SLC24A2: variants seen among roughly 807,000 people sequenced by gnomAD.
The protein encoded by SLC24A2 is sodium/potassium/calcium exchanger 2.
In SLC24A2, 36 loss-of-function variants were observed where a neutral mutation model predicts 62.0. The observed-to-expected ratio is 0.58, with a 90% confidence interval of 0.44 to 0.77. The LOEUF (loss-of-function observed/expected upper bound fraction) is 0.77, where lower values mean the gene tolerates loss of function less well. SLC24A2 is among the 30% of genes least tolerant of loss of function. SLC24A2 has a pLI of 0.00. For missense variants in SLC24A2, 846 were observed against 817.9 expected (o/e 1.03, Z -0.42); for synonymous variants, 358 against 294.0 (o/e 1.22, Z -2.23).
the SLC24A2 span, among the ~76,000 whole-genome samples, chr9:20,100,828 G>GT: frequency 1.3e-5 from 2 of 151,836 alleles, no homozygotes; most frequent in Non-Finnish European, 2.9e-5. Context: ...TTTTTGTTTT[G>GT]TTTTTTCCAT....
the SLC24A2 span, among the ~76,000 whole-genome samples, chr9:20,093,196 C>G: frequency 6.6e-6 from 1 of 151,830 alleles, no homozygotes; most frequent in African/African-American, 2.4e-5. Flanking sequence ...CTCAGCCTTC[C>G]TGAGTAGCTG....
At position 19,775,801 on chromosome 9, in the gene SLC24A2, T is replaced by C. The variant is rs1408492931; in HGVS notation, c.930+10136A>G. Among the ~76,000 whole-genome samples the C allele has an allele frequency of 3.3e-5, 5 of 152,054 alleles. No homozygotes were observed. In the East Asian group the frequency reaches 9.7e-4, roughly 29 times the overall value. On this transcript the variant is annotated intron_variant, in intron 2 of 10. Transcript: ENST00000341998. ...AGTGCATTCCGCTCATTCAGTAGAGTGATGTCTAGCTTCCTTCTCCTATTC... is the reference window on the plus strand; with the variant it reads ...AGTGCATTCCGCTCATTCAGTAGAGCGATGTCTAGCTTCCTTCTCCTATTC...
chr9:20,003,659 C>A, the SLC24A2 span, among the ~76,000 whole-genome samples: 1 of 152,136 alleles, frequency 6.6e-6, no homozygotes. Context: ...GCAGTAAATA[C>A]TTTATGCTTG....
chr9:19,919,208 C>T, the SLC24A2 span, among the ~76,000 whole-genome samples: 2 of 152,158 alleles, frequency 1.3e-5, no homozygotes, highest in African/African-American at 2.4e-5. Context: ...CTGTGGCTTG[C>T]TCCCGGGGGG....
chr9:19,516,550 T>G (rs928939429), intron 10 of SLC24A2, 148 bp from the exon 11 acceptor site: 1 of 1,001,076 alleles, frequency 1.0e-6, no homozygotes, highest in African/African-American at 1.6e-5. Context: ...GACTCGGGCA[T>G]GGTTGGCCCA....
the SLC24A2 span, among the ~76,000 whole-genome samples, chr9:20,196,583 T>G: frequency 6.6e-6 from 1 of 152,196 alleles, no homozygotes. Flanking sequence ...AACAATCAGC[T>G]AGAATTAAAT....
the SLC24A2 span, among the ~76,000 whole-genome samples, chr9:20,257,065 C>A: frequency 1.3e-5 from 2 of 152,078 alleles, no homozygotes; most frequent in African/African-American, 4.8e-5. Context: ...TCAGAGACTT[C>A]AGCACTTTCA....
At chr9:19,857,300 C>T in the SLC24A2 span, among the ~76,000 whole-genome samples, 1 of 152,200 alleles carries the variant, frequency 6.6e-6, no homozygotes, top group Non-Finnish European at 1.5e-5. Flanking sequence ...CTTCTAAGGA[C>T]CCTGTGGTTA....
chr9:19,886,265 T>A, the SLC24A2 span, among the ~76,000 whole-genome samples: 1 of 152,206 alleles, frequency 6.6e-6, no homozygotes, highest in Non-Finnish European at 1.5e-5. Context: ...CATCTATGAT[T>A]TTTTGACTTT....
At chr9:19,759,169 C>T (rs185537420) in intron 2 of SLC24A2, among the ~76,000 whole-genome samples, 1 of 152,302 alleles carries the variant, frequency 6.6e-6, no homozygotes, top group Admixed American at 6.5e-5. Context: ...AAGCACGATG[C>T]TTCTATTTAG....
chr9:19,762,747 C>T (rs1358280763), intron 2 of SLC24A2, among the ~76,000 whole-genome samples: 3 of 148,914 alleles, frequency 2.0e-5, no homozygotes, highest in Non-Finnish European at 4.4e-5. Flanking sequence ...TAGCTTGATG[C>T]CTCCAGCTTT....
At chr9:19,718,284 CTTTTTTTTTTTTT>C (rs71335446) in intron 2 of SLC24A2, among the ~76,000 whole-genome samples, 1 of 55,714 alleles carries the variant, frequency 1.8e-5, no homozygotes, top group Non-Finnish European at 2.9e-5. Context: ...TGATTTAACA[CTTTTTTTTTTTTT>C]TTTTTTTTTT....
rs1240676098 is a variant in SLC24A2, at chr9:19,786,365, G to C, written c.502C>G (p.Leu168Val). ...VPSLTVITEK[L>V]GISDDVAGAT... ...CCAGCCACATCATCAGAGATGCCCA[G>C]TTTTTCAGTGATGACAGTCAAAGAA... is the stretch of plus-strand genomic sequence containing the variant. Residue 168 changes from leucine (L) to valine (V), a missense_variant, in exon 2 of 11, where the codon CTG becomes GTG. Coordinates refer to ENST00000341998, the MANE Select transcript of SLC24A2 (RefSeq NM_020344.4). This position sits in a 1 kb window ranked among gnomAD's most constrained non-coding sequence, Gnocchi z 5.0. 3 of 1,614,174 alleles carry C rather than the reference G, an allele frequency of 1.9e-6. No homozygotes were observed. The highest frequency in any genetic ancestry group is 1.1e-5 in the South Asian group (1 of 91,086).
the SLC24A2 span, among the ~76,000 whole-genome samples, chr9:20,210,636 G>A: frequency 2.6e-5 from 3 of 114,640 alleles, no homozygotes; most frequent in African/African-American, 3.6e-5. Flanking sequence ...ACAACGCCCG[G>A]CTTTTTTTTT....
At chr9:20,003,365 G>C in the SLC24A2 span, among the ~76,000 whole-genome samples, 1 of 152,188 alleles carries the variant, frequency 6.6e-6, no homozygotes. Flanking sequence ...GCTATTGTCA[G>C]AGAGAAATGC....
At chr9:20,144,315 A>G in the SLC24A2 span, among the ~76,000 whole-genome samples, 1 of 152,176 alleles carries the variant, frequency 6.6e-6, no homozygotes, top group South Asian at 2.1e-4. Flanking sequence ...TAAAACAGAA[A>G]CCTTAAACAC....
intron 2 of SLC24A2, among the ~76,000 whole-genome samples, chr9:19,653,850 G>T (rs1464745981): frequency 6.6e-6 from 1 of 152,150 alleles, no homozygotes; most frequent in Non-Finnish European, 1.5e-5. Flanking sequence ...GGCCCTCAAA[G>T]TTGCAGCCTC....
the SLC24A2 span, among the ~76,000 whole-genome samples, chr9:20,289,011 G>C: frequency 2.6e-5 from 4 of 151,998 alleles, no homozygotes; most frequent in Admixed American, 2.6e-4. Flanking sequence ...CCAGCCACTA[G>C]ATTTCAGTGG....
chr9:19,622,204 T>A, intron 3 of SLC24A2, 57 bp downstream of exon 3: 2 of 1,488,628 alleles, frequency 1.3e-6, no homozygotes, highest in Non-Finnish European at 9.4e-7. Context: ...CTCCCACCCC[T>A]GCCCCACGCT....
Sources: gnomAD v4.1 joint callset for allele counts (sites outside exome capture counted in the v4.1 genomes callset) on GRCh38, gnomAD v4.1.1 for gene constraint, Gnocchi (gnomAD v3.1) non-coding constraint, MANE v1.5 for transcripts, NCBI Gene and HGNC (gene_info 2026-07-23, HGNC 2026-07-21) for gene names.